CADM2: variants seen among roughly 807,000 people sequenced by gnomAD.
CADM2 encodes the protein immunoglobulin superfamily member 4D.
In CADM2, 12 loss-of-function variants were observed where a neutral mutation model predicts 49.8. The ratio of observed to expected loss-of-function variants is 0.24; its 90% confidence interval spans 0.15 to 0.39. The LOEUF (loss-of-function observed/expected upper bound fraction) is 0.39. Among genes scored for constraint, CADM2 ranks in the 10% least tolerant of loss-of-function variants. The probability of loss-of-function intolerance (pLI) is 1.00; values close to 1 mark genes in which losing one functional copy is unlikely to be tolerated. For synonymous variants in CADM2, 214 were observed against 175.4 expected (o/e 1.22, Z -1.74); for missense variants, 378 against 492.3 (o/e 0.77, Z 2.20).
Position 85,855,467 on chromosome 3 carries a change from C to T in CADM2, c.239-27824C>T, listed in dbSNP as rs780766486. 1.0e-3 allele frequency among the ~76,000 whole-genome samples: 155 copies of T among 151,510 alleles called. 1 individual carries two copies. The highest frequency in any genetic ancestry group is 4.2e-4 in the South Asian group (2 of 4,808). Reference sequence around the variant, plus strand: ...ATATGTCATATAGATTTTCAATCTTCCCTTTTTGACATAATGTGAGATTTA... The same window carrying T: ...ATATGTCATATAGATTTTCAATCTTTCCTTTTTGACATAATGTGAGATTTA... On this transcript the variant is annotated intron_variant, in intron 3 of 9. Transcript: ENST00000383699.
intron 1 of CADM2, among the ~76,000 whole-genome samples, chr3:85,505,306 T>G (rs1386603752): frequency 6.6e-6 from 1 of 152,258 alleles, no homozygotes; most frequent in African/African-American, 2.4e-5. Flanking sequence ...TATATGCGTA[T>G]ATTCATATAT....
In CADM2 at chr3:85,444,443, T is replaced by A. The variant is rs200443603; in HGVS notation, c.62-282079T>A. On this transcript the variant is annotated intron_variant, in intron 1 of 9. Coordinates refer to ENST00000383699, the MANE Select transcript of CADM2 (RefSeq NM_001167675.2). The stretch of plus-strand genomic sequence containing the variant: ...TGGCTTCTTGTCTTTTCCTACACAC[T>A]CACACACACACACACACACACACAC... Among the ~76,000 whole-genome samples, 224 of 148,022 alleles carry A rather than the reference T, an allele frequency of 1.5e-3. 7 individuals are homozygous for A. In the East Asian group the frequency reaches 0.036, roughly 24 times the overall value.
chr3:86,033,324 G>A (rs889616659), intron 8 of CADM2, among the ~76,000 whole-genome samples: 7 of 151,946 alleles, frequency 4.6e-5, no homozygotes, highest in African/African-American at 1.4e-4. Context: ...CTGTTCAGAT[G>A]TAGGTTAAAA....
intron 1 of CADM2, among the ~76,000 whole-genome samples, chr3:84,968,733 G>C (rs1398654719): frequency 6.6e-6 from 1 of 151,908 alleles, no homozygotes; most frequent in Admixed American, 6.6e-5. Context: ...CAAACAAAAA[G>C]AAGAATCAGA....
chr3:85,608,300 A>C (rs1407481434), intron 1 of CADM2, among the ~76,000 whole-genome samples: 1 of 152,160 alleles, frequency 6.6e-6, no homozygotes, highest in Non-Finnish European at 1.5e-5. Context: ...TATTCTCTTA[A>C]ATAGGGCCAC....
At chr3:85,413,495 C>T (rs1306208025) in intron 1 of CADM2, among the ~76,000 whole-genome samples, 2 of 152,036 alleles carry the variant, frequency 1.3e-5, no homozygotes, top group Non-Finnish European at 2.9e-5. Context: ...GTTTATTTGG[C>T]TCATGGTTCT....
chr3:85,201,245 C>CA (rs2041493010), intron 1 of CADM2, among the ~76,000 whole-genome samples: 1 of 152,024 alleles, frequency 6.6e-6, no homozygotes, highest in Non-Finnish European at 1.5e-5. Context: ...GAATATATCA[C>CA]AAAAAAGCAT....
chr3:85,264,906 A>G (rs1443146660), intron 1 of CADM2, among the ~76,000 whole-genome samples: 1 of 152,066 alleles, frequency 6.6e-6, no homozygotes, highest in Non-Finnish European at 1.5e-5. Context: ...TCAAGCCAAT[A>G]CCAGTTGTTT....
rs377041772 is a variant in CADM2, at chr3:85,935,813, A to G, written c.747A>G (p.Glu249=). 18 of 1,607,128 alleles carry G rather than the reference A, an allele frequency of 1.1e-5. No individual in the cohort carries two copies. The highest frequency in any genetic ancestry group is 1.4e-5 in the Non-Finnish European group (17 of 1,175,152). The change falls in exon 7 of 10, where the codon GAA becomes GAG. Residue 249 remains glutamate (E), a synonymous_variant. Transcript: ENST00000383699. ...KIIPSTPFPQ[E]GQPLILTCES... ...TACCATCGACTCCTTTTCCACAAGA[A>G]GGACAGCCTTTAATTTTGACTTGTG...
At chr3:85,139,581 A>T (rs1217450065) in intron 1 of CADM2, among the ~76,000 whole-genome samples, 2 of 152,104 alleles carry the variant, frequency 1.3e-5, no homozygotes, top group Non-Finnish European at 2.9e-5. Flanking sequence ...ATGCATATAG[A>T]ATTATATATA....
chr3:85,226,758 G>A (rs768314826), intron 1 of CADM2, among the ~76,000 whole-genome samples: 1 of 151,994 alleles, frequency 6.6e-6, no homozygotes, highest in South Asian at 2.1e-4. Flanking sequence ...TTATCTTGTG[G>A]GCATTTAGTG....
At chr3:85,895,697 G>A (rs1480710860) in intron 5 of CADM2, among the ~76,000 whole-genome samples, 1 of 152,148 alleles carries the variant, frequency 6.6e-6, no homozygotes, top group African/African-American at 2.4e-5. Flanking sequence ...CGTGGGGGAA[G>A]TTTTTCCATG....
intron 3 of CADM2, among the ~76,000 whole-genome samples, chr3:85,838,866 T>C (rs893465212): frequency 6.6e-6 from 1 of 151,790 alleles, no homozygotes. Context: ...AAAGGTTTAT[T>C]GTCCTTAAGG....
intron 1 of CADM2, among the ~76,000 whole-genome samples, chr3:85,455,344 A>G (rs529315727): frequency 2.0e-5 from 3 of 152,348 alleles, no homozygotes; most frequent in Admixed American, 2.0e-4. Flanking sequence ...TATTACCTTC[A>G]TCTTTCATAG....
chr3:85,077,300 G>C (rs1197534693), intron 1 of CADM2, among the ~76,000 whole-genome samples: 1 of 152,092 alleles, frequency 6.6e-6, no homozygotes, highest in Non-Finnish European at 1.5e-5. Context: ...TTATTGGAAA[G>C]GGTGACTAAG....
chr3:85,818,308 G>A (rs926374034), intron 3 of CADM2, among the ~76,000 whole-genome samples: 7 of 152,016 alleles, frequency 4.6e-5, no homozygotes, highest in African/African-American at 1.5e-4. Context: ...GTTGAGTGTG[G>A]GCTCTTTTGG....
intron 1 of CADM2, among the ~76,000 whole-genome samples, chr3:85,104,550 C>A (rs531456776): frequency 1.3e-5 from 2 of 152,020 alleles, no homozygotes; most frequent in African/African-American, 4.8e-5. Flanking sequence ...CTTGGCGATG[C>A]GGGCTCTTTT....
chr3:85,801,009 G>A (rs906289525), intron 2 of CADM2: 1 of 152,168 alleles, frequency 6.6e-6, no homozygotes, highest in African/African-American at 2.4e-5. Flanking sequence ...TAGTGTTCTT[G>A]CATATGTAAA....
At chr3:85,572,036 C>T (rs2062494045) in intron 1 of CADM2, among the ~76,000 whole-genome samples, 1 of 152,176 alleles carries the variant, frequency 6.6e-6, no homozygotes, top group East Asian at 1.9e-4. Flanking sequence ...GTGACTCATG[C>T]CTGTAATCCT....
Sources: allele counts gnomAD v4.1 joint callset (sites outside exome capture counted in the v4.1 genomes callset), GRCh38; gene constraint gnomAD v4.1.1; transcripts MANE v1.5; gene names NCBI Gene and HGNC (gene_info 2026-07-23, HGNC 2026-07-21).